The following NLGN1 variants were observed in gnomAD, a reference collection of about 807,000 sequenced individuals.
NLGN1 encodes the protein neuroligin 1, also known as neuroligin-1.
NLGN1 carries 12 observed loss-of-function variants against 65.5 expected under a neutral mutation model. That is an observed-to-expected ratio of 0.18 (90% CI 0.12 to 0.30). NLGN1 has a LOEUF of 0.30. Ranked by LOEUF, NLGN1 falls within the 10% of genes least tolerant of loss-of-function variation. The pLI, the probability that NLGN1 is intolerant of heterozygous loss-of-function variation, is 1.00. For missense variants in NLGN1, 750 were observed against 1,007.1 expected, an observed-to-expected ratio of 0.74 and a Z score of 3.46; for synonymous variants, 350 against 359.5, an observed-to-expected ratio of 0.97 and a Z score of 0.30.
intron 4 of NLGN1, among the ~76,000 whole-genome samples, chr3:174,095,677 C>T (rs1421046117): frequency 1.3e-5 from 2 of 151,598 alleles, no homozygotes; most frequent in Non-Finnish European, 2.9e-5. Context: ...TACATATATA[C>T]ACACACACAT....
At chr3:173,633,031 G>A (rs1755976445) in intron 3 of NLGN1, among the ~76,000 whole-genome samples, 1 of 151,810 alleles carries the variant, frequency 6.6e-6, no homozygotes, top group South Asian at 2.1e-4. Flanking sequence ...TGTTTGTTGT[G>A]TAAAAAAGAT....
At chr3:173,714,975 A>C (rs1769603133) in intron 3 of NLGN1, among the ~76,000 whole-genome samples, 1 of 152,238 alleles carries the variant, frequency 6.6e-6, no homozygotes, top group South Asian at 2.1e-4. Context: ...CTGCCTTTTG[A>C]TATAACATAA....
intron 2 of NLGN1, among the ~76,000 whole-genome samples, chr3:173,520,613 A>G (rs1005350725): frequency 1.3e-5 from 2 of 152,180 alleles, no homozygotes; most frequent in Non-Finnish European, 1.5e-5. Flanking sequence ...TAGGACCATG[A>G]AAAATCAGGG....
At chr3:173,788,206 CAA>C (rs537790655) in intron 3 of NLGN1, among the ~76,000 whole-genome samples, 7 of 60,836 alleles carry the variant, frequency 1.2e-4, no homozygotes, top group Non-Finnish European at 2.1e-4. Context: ...TGACATTTTG[CAA>C]AAAAAAAAAA....
chr3:173,974,144 C>T (rs114691723), intron 4 of NLGN1, among the ~76,000 whole-genome samples: 236 of 151,118 alleles, frequency 1.6e-3, no homozygotes, highest in African/African-American at 5.5e-3. Flanking sequence ...ATAAAAGTCT[C>T]ATTGTGCATT....
At chr3:173,984,717 T>C (rs1719514685) in intron 4 of NLGN1, among the ~76,000 whole-genome samples, 1 of 152,170 alleles carries the variant, frequency 6.6e-6, no homozygotes, top group Non-Finnish European at 1.5e-5. Flanking sequence ...CTAGATTATC[T>C]CAATGCTATC....
intron 2 of NLGN1, among the ~76,000 whole-genome samples, chr3:173,464,701 C>T (rs1007123272): frequency 9.9e-5 from 15 of 152,122 alleles, no homozygotes; most frequent in Admixed American, 6.5e-5. Context: ...TCCCAAAGTG[C>T]TGGGATTACA....
intron 4 of NLGN1, among the ~76,000 whole-genome samples, chr3:173,957,660 G>A (rs532863285): frequency 6.6e-6 from 1 of 152,160 alleles, no homozygotes; most frequent in Non-Finnish European, 1.5e-5. Flanking sequence ...GCTCCTTACG[G>A]GTTGGACTCT....
chr3:174,100,090 C>T (rs1283585856), intron 4 of NLGN1, among the ~76,000 whole-genome samples: 4 of 151,832 alleles, frequency 2.6e-5, no homozygotes. Flanking sequence ...GTTTTTGCTC[C>T]TCATTGAGCA....
intron 4 of NLGN1, among the ~76,000 whole-genome samples, chr3:174,026,498 G>GA (rs984332548): frequency 2.0e-5 from 3 of 151,488 alleles, no homozygotes; most frequent in East Asian, 1.9e-4. Flanking sequence ...AATGATGAGT[G>GA]AAAAAAAATA....
chr3:174,254,198 G>T (rs577304221), intron 4 of NLGN1, among the ~76,000 whole-genome samples: 2 of 151,796 alleles, frequency 1.3e-5, no homozygotes, highest in Non-Finnish European at 2.9e-5. Flanking sequence ...GCATTTATGC[G>T]CACTTACCAG....
In NLGN1 at chr3:174,229,097, C is replaced by A. The variant is rs986070228; in HGVS notation, c.647-46218C>A. On this transcript the variant is annotated intron_variant, in intron 4 of 6. Coordinates refer to ENST00000457714, the Ensembl canonical transcript of NLGN1. ...GTAAACCTGGACAAATTCTTCACTT[C>A]TCAGTCTTTTAACTTCTTCACTGTA... 2.0e-5 allele frequency among the ~76,000 whole-genome samples: 3 copies of A among 152,112 alleles called. No individual in the cohort carries two copies. The East Asian group carries it at 5.8e-4, about 29-fold the overall frequency.
At chr3:173,460,911 A>G (rs1455868119) in intron 2 of NLGN1, among the ~76,000 whole-genome samples, 1 of 152,106 alleles carries the variant, frequency 6.6e-6, no homozygotes, top group Non-Finnish European at 1.5e-5. Flanking sequence ...CGCCAGCCCT[A>G]AGGCACAGTC....
intron 4 of NLGN1, among the ~76,000 whole-genome samples, chr3:173,857,054 G>A (rs1311171758): frequency 1.3e-5 from 2 of 150,786 alleles, no homozygotes; most frequent in Non-Finnish European, 3.0e-5. Context: ...ATAAAATTAA[G>A]AAACAAAATT....
intron 4 of NLGN1, among the ~76,000 whole-genome samples, chr3:173,946,505 C>G (rs1747180017): frequency 6.6e-6 from 1 of 152,082 alleles, no homozygotes; most frequent in Admixed American, 6.6e-5. Context: ...ATTTACTTAA[C>G]CCTCTATTAA....
chr3:173,546,831 GA>G (rs1739935760), intron 2 of NLGN1, among the ~76,000 whole-genome samples: 1 of 152,122 alleles, frequency 6.6e-6, no homozygotes, highest in Non-Finnish European at 1.5e-5. Context: ...GGATGAAGAA[GA>G]AAATGATTAA....
intron 4 of NLGN1, among the ~76,000 whole-genome samples, chr3:173,991,451 A>G (rs1481451112): frequency 6.6e-6 from 1 of 152,176 alleles, no homozygotes; most frequent in Non-Finnish European, 1.5e-5. Context: ...CTGTCAAATT[A>G]AATTTTCTGT....
chr3:173,839,062 T>TC (rs1157294284), intron 4 of NLGN1, among the ~76,000 whole-genome samples: 2 of 151,360 alleles, frequency 1.3e-5, no homozygotes, highest in East Asian at 3.9e-4. Flanking sequence ...CTCACAGTAT[T>TC]CTTTTTTTTT....
At chr3:173,870,580 A>T (rs1000285421) in intron 4 of NLGN1, among the ~76,000 whole-genome samples, 1 of 152,322 alleles carries the variant, frequency 6.6e-6, no homozygotes. Flanking sequence ...TGAGAAATTT[A>T]TCTGGCTCTG....
Sources: gnomAD v4.1 joint callset for allele counts (sites outside exome capture counted in the v4.1 genomes callset) on GRCh38, gnomAD v4.1.1 for gene constraint, MANE v1.5 for transcripts, NCBI Gene and HGNC (gene_info 2026-07-23, HGNC 2026-07-21) for gene names.